ABCB5: variants seen among roughly 807,000 people sequenced by gnomAD.
The protein encoded by ABCB5 is ATP-binding cassette sub-family B member 5.
ABCB5 carries 155 observed loss-of-function variants against 144.2 expected under a neutral mutation model. The ratio of observed to expected loss-of-function variants is 1.08; its 90% CI spans 0.94 to 1.23. ABCB5 has a LOEUF of 1.23. ABCB5 is among the 50% of genes most tolerant of loss of function. ABCB5 has a pLI of 0.00. For synonymous variants in ABCB5, 610 were observed against 528.6 expected, an observed-to-expected ratio of 1.15 and a Z score of -2.11; for missense variants, 1,830 against 1,520.8, an observed-to-expected ratio of 1.20 and a Z score of -3.38.
chr7:20,713,061 C>T (rs1017043281), intron 20 of ABCB5, among the ~76,000 whole-genome samples: 1 of 149,430 alleles, frequency 6.7e-6, no homozygotes, highest in African/African-American at 2.5e-5. Flanking sequence ...CCCTGAATCC[C>T]CATCTCCTAG....
chr7:20,659,029 T>C (rs1184837994), intron 14 of ABCB5: 1 of 1,602,318 alleles, frequency 6.2e-7, no homozygotes, highest in African/African-American at 1.3e-5. Context: ...TACATACACC[T>C]GTGGGATTCT....
intron 5 of ABCB5, among the ~76,000 whole-genome samples, chr7:20,639,007 T>A (rs1414497655): frequency 1.3e-5 from 2 of 152,224 alleles, no homozygotes; most frequent in Admixed American, 6.5e-5. Context: ...TTTCTCCATG[T>A]CCTCATCAAC....
At chr7:20,706,228 A>G (rs1009537143) in intron 20 of ABCB5, among the ~76,000 whole-genome samples, 5 of 152,186 alleles carry the variant, frequency 3.3e-5, no homozygotes, top group Non-Finnish European at 7.4e-5. Context: ...AGGCAGAAAT[A>G]TCAATCCCTA....
intron 20 of ABCB5, among the ~76,000 whole-genome samples, chr7:20,716,988 A>G (rs1007466051): frequency 6.6e-6 from 1 of 152,040 alleles, no homozygotes; most frequent in African/African-American, 2.4e-5. Context: ...CCTACCGACA[A>G]AGCCCAGGCT....
At chr7:20,639,821 T>G (rs1390454268) in intron 5 of ABCB5, among the ~76,000 whole-genome samples, 1 of 152,220 alleles carries the variant, frequency 6.6e-6, no homozygotes, top group East Asian at 1.9e-4. Context: ...AAAATTACTT[T>G]GGCTATTCTG....
intron 13 of ABCB5, 59 bp downstream of exon 13, chr7:20,651,682 A>G (rs1405031691): frequency 9.8e-6 from 15 of 1,533,496 alleles, no homozygotes; most frequent in African/African-American, 1.4e-5. Context: ...CGACATTCCA[A>G]TATAAGGTAA....
intron 13 of ABCB5, among the ~76,000 whole-genome samples, chr7:20,654,550 T>G (rs147741515): frequency 6.6e-6 from 1 of 152,294 alleles, no homozygotes; most frequent in East Asian, 1.9e-4. Flanking sequence ...GAATACATTC[T>G]CAAGTGCACA....
At chr7:20,667,894 G>GTT (rs1338307830) in intron 14 of ABCB5, among the ~76,000 whole-genome samples, 4 of 138,872 alleles carry the variant, frequency 2.9e-5, no homozygotes, top group African/African-American at 1.1e-4. Flanking sequence ...ACTGGTTTTC[G>GTT]TTTTTTTTTT....
At position 20,742,590 on chromosome 7, in the gene ABCB5, C is replaced by T. The variant is rs115850525; in HGVS notation, c.3025-287C>T. On this transcript the variant is annotated intron_variant, in intron 24 of 27. Coordinates refer to ENST00000404938, the MANE Select transcript of ABCB5 (RefSeq NM_001163941.2). ...CCAGATAAGCTGGTCAAACAACCAA[C>T]TGCGGAATGGAACTGTCTGTGCAGC... Among the ~76,000 whole-genome samples the T allele has an allele frequency of 7.2e-3, 1,095 of 152,266 alleles. 16 individuals are homozygous for T. Among genetic ancestry groups the T allele is most frequent in the African/African-American group, 0.024 (1,017 of 41,554 alleles).
chr7:20,674,276 C>G (rs562923970), intron 14 of ABCB5, among the ~76,000 whole-genome samples: 1 of 151,764 alleles, frequency 6.6e-6, no homozygotes, highest in Non-Finnish European at 1.5e-5. Flanking sequence ...TTCCTTTTAC[C>G]TGAAACCTTT....
At chr7:20,681,020 T>TC (rs1785787265) in intron 14 of ABCB5, among the ~76,000 whole-genome samples, 1 of 8,974 alleles carries the variant, frequency 1.1e-4, no homozygotes, top group African/African-American at 4.2e-4. Context: ...CTTTCTTTCT[T>TC]TCTTTCTTTC....
chr7:20,665,804 C>T (rs1785171131), intron 14 of ABCB5, among the ~76,000 whole-genome samples: 1 of 150,844 alleles, frequency 6.6e-6, no homozygotes, highest in African/African-American at 2.4e-5. Context: ...TACATACATA[C>T]ATACAGATAT....
chr7:20,686,081 A>G (rs1232140784), intron 16 of ABCB5, among the ~76,000 whole-genome samples: 1 of 152,156 alleles, frequency 6.6e-6, no homozygotes, highest in African/African-American at 2.4e-5. Flanking sequence ...AGACTGTTAC[A>G]TGATGTTTTT....
intron 14 of ABCB5, among the ~76,000 whole-genome samples, chr7:20,665,382 C>A (rs528731350): frequency 1.1e-3 from 169 of 152,260 alleles, no homozygotes; most frequent in African/African-American, 3.9e-3. Context: ...GCCCTGGAAC[C>A]CATGTCGACC....
intron 26 of ABCB5, among the ~76,000 whole-genome samples, chr7:20,746,393 C>T (rs1032054668): frequency 2.0e-5 from 3 of 152,308 alleles, no homozygotes; most frequent in East Asian, 3.9e-4. Flanking sequence ...CCATCGCGCC[C>T]GGCAAGTAGC....
At position 20,755,686 on chromosome 7, in the gene ABCB5, T is replaced by C. The variant is rs1783069371; in HGVS notation, c.*62T>C. The stretch of plus-strand genomic sequence containing the variant: ...ATGCAAAGAAGGAGTACTTAATAAT[T>C]ACTTGGCAAGCTTTGATCTCTTTTA... On this transcript the variant is annotated 3_prime_UTR_variant, in exon 28 of 28. Transcript: ENST00000404938. The C allele has an allele frequency of 4.7e-6, 7 of 1,499,208 alleles. No homozygotes were observed. The South Asian group carries it at 8.2e-5, about 18-fold the overall frequency. 92.9% of individuals were successfully genotyped at this position (1,499,208 alleles called of 1,614,324 possible).
At chr7:20,696,961 G>A (rs1230120328) in intron 16 of ABCB5, among the ~76,000 whole-genome samples, 1 of 152,126 alleles carries the variant, frequency 6.6e-6, no homozygotes, top group African/African-American at 2.4e-5. Context: ...TCCTGGCTCT[G>A]TAATTTACTG....
rs1260119525 is a variant in ABCB5, at chr7:20,711,864, TCCTCCCTC to T, written c.2421+7079_2421+7086del. Among the ~76,000 whole-genome samples, 138 of 42,242 alleles carry T rather than the reference TCCTCCCTC, an allele frequency of 3.3e-3. 12 individuals carry two copies. The East Asian group carries it at 0.036, about 11-fold the overall frequency. 27.7% of individuals were successfully genotyped at this position (42,242 alleles called of 152,430 possible). On this transcript the variant is annotated intron_variant, in intron 20 of 27. Transcript: ENST00000404938. Reference sequence around the variant, plus strand: ...TCTTTCTTTTCTTTCTTTCTTTCCTTCCTCCCTCCCTCCCTCCCTCCCTCCCTCCTTCC... The same window carrying T: ...TCTTTCTTTTCTTTCTTTCTTTCCTTCCTCCCTCCCTCCCTCCCTCCTTCC...
chr7:20,710,238 G>A (rs1332639538), intron 20 of ABCB5, among the ~76,000 whole-genome samples: 1 of 145,938 alleles, frequency 6.9e-6, no homozygotes, highest in Non-Finnish European at 1.5e-5. Flanking sequence ...GTGGTGGGGG[G>A]CATCTATAAT....
Sources: gnomAD v4.1 joint callset for allele counts (sites outside exome capture counted in the v4.1 genomes callset) on GRCh38, gnomAD v4.1.1 for gene constraint, MANE v1.5 for transcripts, NCBI Gene and HGNC (gene_info 2026-07-23, HGNC 2026-07-21) for gene names.